The following PARP10 variants were observed in gnomAD, a reference collection of about 807,000 sequenced individuals.
PARP10 encodes the protein protein mono-ADP-ribosyltransferase PARP10.
Under a neutral mutation model 82.4 loss-of-function variants are expected in PARP10, and 56 were observed. That is an observed-to-expected ratio of 0.68 (90% confidence interval 0.55 to 0.85). The LOEUF (loss-of-function observed/expected upper bound fraction) is 0.85, where lower values mean the gene tolerates loss of function less well. Among genes scored for constraint, PARP10 ranks in the 40% least tolerant of loss-of-function variants. The pLI, the probability that PARP10 is intolerant of heterozygous loss-of-function variation, is 0.00. For missense variants in PARP10, 1,227 were observed against 1,379.4 expected (o/e 0.89, Z 1.75); for synonymous variants, 576 against 601.1 (o/e 0.96, Z 0.61).
chr8:143,991,505 C>T (rs1834095193), upstream of PARP10: 3 of 1,538,514 alleles, frequency 1.9e-6, no homozygotes, highest in Admixed American at 4.6e-5. Context: ...AGGGCCCCTA[C>T]CCCCAAGGGG....
upstream of PARP10, chr8:143,993,457 G>A (rs1554750931): frequency 6.4e-6 from 1 of 156,544 alleles, no homozygotes; most frequent in Non-Finnish European, 1.4e-5. Flanking sequence ...TCAACATGAA[G>A]TTGGGAGGGG....
intron 1 of PARP10, among the ~76,000 whole-genome samples, chr8:144,007,285 T>C (rs1449789224): frequency 2.0e-5 from 3 of 152,220 alleles, no homozygotes; most frequent in East Asian, 1.9e-4. Flanking sequence ...TCCCAGCTCC[T>C]GGTTGGCAGG....
At chr8:144,003,228 G>C (rs2133078703) in intron 1 of PARP10, among the ~76,000 whole-genome samples, 1 of 152,146 alleles carries the variant, frequency 6.6e-6, no homozygotes, top group South Asian at 2.1e-4. Context: ...TTTGAGATCA[G>C]CCTGGCCAAT....
At chr8:143,997,951 AT>A (rs1286391672) in intron 1 of PARP10, among the ~76,000 whole-genome samples, 1 of 151,828 alleles carries the variant, frequency 6.6e-6, no homozygotes, top group Non-Finnish European at 1.5e-5. Flanking sequence ...TGCCTGGCTA[AT>A]TTTATTTTTA....
At chr8:143,986,620 G>T, upstream of PARP10, 1 of 599,332 alleles carries the variant, frequency 1.7e-6, no homozygotes, top group Non-Finnish European at 2.9e-6. Flanking sequence ...AGCCAACCCA[G>T]CCCAGCCCAC....
intron 1 of PARP10, among the ~76,000 whole-genome samples, chr8:143,999,019 C>CCTTT (rs1554751483): frequency 3.4e-5 from 5 of 148,576 alleles, no homozygotes; most frequent in African/African-American, 1.3e-4. Context: ...TTCCTTCCTT[C>CCTTT]TTTCTTTCTT....
At position 143,983,379 on chromosome 8, in the gene PARP10, T is replaced by A. The variant is rs782022511; in HGVS notation, c.2210A>T (p.Glu737Val). The A allele has an allele frequency of 3.1e-6, 5 of 1,606,150 alleles. No individual in the cohort carries two copies. In the African/African-American group the frequency reaches 6.7e-5, roughly 21 times the overall value. ...RAALEVHVQE[E>V]TVGPWRRTLP... ...TGTGCGGCGCCAGGGCCCCACCGTC[T>A]CCTCCTGGACGTGGACCTCCAAGGC... The change falls in exon 8 of 11, where the codon GAG becomes GTG. Residue 737 changes from glutamate to valine, a missense_variant. Transcript: ENST00000313028.
chr8:143,992,052 A>T, upstream of PARP10: 1 of 1,613,930 alleles, frequency 6.2e-7, no homozygotes, highest in Non-Finnish European at 8.5e-7. Context: ...CTTCCGGCGA[A>T]AGCACCCCTG....
upstream of PARP10, among the ~76,000 whole-genome samples, chr8:143,994,692 G>C (rs542164431): frequency 5.4e-4 from 82 of 152,236 alleles, no homozygotes; most frequent in African/African-American, 2.0e-3. Flanking sequence ...CCAGCCACGA[G>C]GGCACCTCCT....
Position 143,983,484 on chromosome 8 carries a change from C to T in PARP10, c.2105G>A (p.Gly702Glu), listed in dbSNP as rs1324068959. The change falls in exon 8 of 11, where the codon GGG becomes GAG. Residue 702 changes from glycine to glutamate, a missense_variant. Coordinates refer to ENST00000313028, the MANE Select transcript of PARP10 (RefSeq NM_032789.5). ...CACCAGCTGGGCCTTGCCATCAGTC[C>T]CCCCATCTGGGGGCTCTTCTGCCTC... ...PLEAEEPPDG[G>E]TDGKAQLVVH... 1 of 1,607,014 alleles carries T rather than the reference C, an allele frequency of 6.2e-7. No homozygotes were observed. The highest frequency in any genetic ancestry group is 8.5e-7 in the Non-Finnish European group (1 of 1,178,216).
chr8:143,980,576 C>T (rs1218283877), intron 9 of PARP10, among the ~76,000 whole-genome samples: 1 of 150,964 alleles, frequency 6.6e-6, no homozygotes, highest in Non-Finnish European at 1.5e-5. Context: ...TATGTTTAAA[C>T]ATATATGTTC....
intron 1 of PARP10, among the ~76,000 whole-genome samples, chr8:144,002,793 A>G (rs1220497065): frequency 6.6e-6 from 1 of 152,194 alleles, no homozygotes; most frequent in Admixed American, 6.5e-5. Context: ...ATTTCTGTTC[A>G]TCAAAAGATA....
chr8:143,993,767 TGCTCCTTGGGC>T (rs558376459), upstream of PARP10, among the ~76,000 whole-genome samples: 22 of 152,326 alleles, frequency 1.4e-4, no homozygotes, highest in South Asian at 1.2e-3. Flanking sequence ...CAGCCTGCCA[TGCTCCTTGGGC>T]GCTCCTTGGG....
intron 8 of PARP10, 24 bp from the exon 9 acceptor site, chr8:143,983,089 G>C (rs782009156): frequency 3.1e-6 from 5 of 1,613,830 alleles, no homozygotes; most frequent in Non-Finnish European, 4.2e-6. Flanking sequence ...AAAAGCGGGG[G>C]GTCAGAGCCA....
At chr8:143,990,670 G>A (rs2133061644), upstream of PARP10, 1 of 152,214 alleles carries the variant, frequency 6.6e-6, no homozygotes, top group Admixed American at 6.5e-5. This position sits in a 1 kb window ranked among gnomAD's most constrained non-coding sequence, Gnocchi z 5.6. Flanking sequence ...AGGGGCCGTT[G>A]GGCCCTGTTG....
chr8:144,004,647 C>A (rs1471293079), intron 1 of PARP10, among the ~76,000 whole-genome samples: 2 of 152,190 alleles, frequency 1.3e-5, no homozygotes, highest in African/African-American at 2.4e-5. Context: ...ATGAAAATTC[C>A]TTTTTTAGAG....
upstream of PARP10, chr8:143,991,217 C>T (rs1554750364): frequency 8.9e-6 from 14 of 1,566,628 alleles, no homozygotes; most frequent in Admixed American, 3.8e-5. Context: ...CCGCGGAACC[C>T]GAGGCCATGT....
chr8:143,995,740 C>T (rs1374103563), upstream of PARP10, among the ~76,000 whole-genome samples: 3 of 152,170 alleles, frequency 2.0e-5, no homozygotes, highest in Non-Finnish European at 4.4e-5. Flanking sequence ...CTCAGTGTCT[C>T]CTGGTTAAAA....
rs781999327 is a variant in PARP10 at position 143,985,273 on chromosome 8, A to G, written c.729T>C (p.Leu243=). 4.3e-6 allele frequency: 7 copies of G among 1,613,626 alleles called. No homozygotes were observed. The highest frequency in any genetic ancestry group is 4.0e-5 in the African/African-American group (3 of 74,908). ...GCTCCAGGATGTCGTAGTGGGGGAC[A>G]AGGCTCAGCTCTGAGCCCTGCAACC... ...EHRLQGSELS[L]VPHYDILEPE... is the part of the protein sequence containing the mutation. Residue 243 remains leucine (L), a synonymous_variant, in exon 5 of 11, where the codon CTT becomes CTC. Transcript: ENST00000313028.
Sources: allele counts gnomAD v4.1 joint callset (sites outside exome capture counted in the v4.1 genomes callset), GRCh38; gene constraint gnomAD v4.1.1; non-coding constraint Gnocchi (gnomAD v3.1); transcripts MANE v1.5; gene names NCBI Gene and HGNC (gene_info 2026-07-23, HGNC 2026-07-21).